The following WDFY4 variants were observed in gnomAD, a reference collection of about 807,000 sequenced individuals.
WDFY4 encodes WD repeat- and FYVE domain-containing protein 4.
Under a neutral mutation model 351.9 loss-of-function variants are expected in WDFY4, and 169 were observed. The ratio of observed to expected loss-of-function variants is 0.48; its 90% CI spans 0.42 to 0.55. The LOEUF (loss-of-function observed/expected upper bound fraction) is 0.55. Ranked by LOEUF, WDFY4 falls within the 20% of genes least tolerant of loss-of-function variation. The pLI is 0.00. For missense variants in WDFY4, 3,803 were observed against 3,935.6 expected, an observed-to-expected ratio of 0.97 and a Z score of 0.90; for synonymous variants, 1,622 against 1,574.6, an observed-to-expected ratio of 1.03 and a Z score of -0.71.
chr10:48,736,234 T>C, intron 11 of WDFY4, 164 bp downstream of exon 11: 1 of 741,896 alleles, frequency 1.3e-6, no homozygotes, highest in Non-Finnish European at 2.3e-6. Context: ...AAATCCCATA[T>C]CCTCAGTAGC....
At chr10:48,889,220 C>T (rs181610348) in intron 43 of WDFY4, among the ~76,000 whole-genome samples, 1 of 152,322 alleles carries the variant, frequency 6.6e-6, no homozygotes, top group African/African-American at 2.4e-5. Context: ...TCGGCTGGTC[C>T]TAGCTTACGA....
chr10:48,821,151 T>G lies in WDFY4; in HGVS notation c.5799T>G (p.Ser1933Arg). 6.4e-7 allele frequency: 1 copy of G among 1,551,446 alleles called. No individual in the cohort carries two copies. Among genetic ancestry groups the G allele is most frequent in the Non-Finnish European group, 8.7e-7 (1 of 1,146,856 alleles). ...LSAMELFHMT[S>R]GGDAAMFRDG... ...CTATGGAACTATTCCACATGACAAG[T>G]GGAGGTGATGCAGCGATGTTCAGAG... The change falls in exon 34 of 62, where the codon AGT becomes AGG. Residue 1933 changes from serine (S) to arginine (R), a missense_variant. By Grantham distance (110) the Ser-to-Arg change is moderately radical. Around this residue, in one of 3 missense-constraint regions of WDFY4, gnomAD observed 3,054 missense variants for 3,148.6 expected, o/e 0.97. Coordinates refer to ENST00000325239, the MANE Select transcript of WDFY4 (RefSeq NM_001394531.1).
intron 47 of WDFY4, chr10:48,909,970 A>G: frequency 2.0e-6 from 1 of 505,038 alleles, no homozygotes; most frequent in South Asian, 2.7e-5. Flanking sequence ...TATAATATAT[A>G]ATCTGTAATT....
chr10:48,818,261 C>T (rs941563553), intron 32 of WDFY4, among the ~76,000 whole-genome samples: 1 of 152,146 alleles, frequency 6.6e-6, no homozygotes, highest in Non-Finnish European at 1.5e-5. Context: ...GTGAGCAATG[C>T]TACATAGGGG....
chr10:48,966,750 C>T, intron 55 of WDFY4, 77 bp downstream of exon 55: 1 of 1,497,902 alleles, frequency 6.7e-7, no homozygotes, highest in Non-Finnish European at 9.0e-7. Context: ...TCTGGAGGTC[C>T]AGCACCACAT....
intron 20 of WDFY4, among the ~76,000 whole-genome samples, chr10:48,787,969 CTTCTTCTTCT>C (rs1298378037): frequency 7.7e-6 from 1 of 129,466 alleles, no homozygotes; most frequent in African/African-American, 3.1e-5. Flanking sequence ...TCTTCTTCTT[CTTCTTCTTCT>C]TCTTCTCCTT....
At chr10:48,814,157 T>G in intron 31 of WDFY4, 75 bp downstream of exon 31, 1 of 1,442,034 alleles carries the variant, frequency 6.9e-7, no homozygotes, top group Non-Finnish European at 9.2e-7. Flanking sequence ...CACCTTGACT[T>G]TTCTCTTAGC....
intron 39 of WDFY4, among the ~76,000 whole-genome samples, chr10:48,855,962 A>C (rs1355324352): frequency 2.0e-5 from 3 of 152,188 alleles, no homozygotes; most frequent in Non-Finnish European, 4.4e-5. Flanking sequence ...CAGTATATAT[A>C]GGGTTCAGTA....
chr10:48,811,619 GC>G lies in WDFY4; in HGVS notation c.5128del (p.His1710ThrfsTer24). 2 of 1,551,932 alleles carry G rather than the reference GC, an allele frequency of 1.3e-6. No homozygotes were observed. Among genetic ancestry groups the G allele is most frequent in the South Asian group, 2.4e-5 (2 of 84,058 alleles). On this transcript the variant is annotated frameshift_variant, in exon 30 of 62. Coordinates refer to ENST00000325239, the MANE Select transcript of WDFY4 (RefSeq NM_001394531.1). LOFTEE classifies it high-confidence loss of function. ...GTTCCGTGTCTTGAATGACTTTCTG[GC>G]CCACCACGTCCACATTCCAGAGGTC... ...PGFRVLNDFL[A>X]HHVHIPEVYL...
chr10:48,717,888 A>G (rs1448437816), intron 2 of WDFY4, among the ~76,000 whole-genome samples: 5 of 152,228 alleles, frequency 3.3e-5, no homozygotes, highest in African/African-American at 1.2e-4. Context: ...TACATGTGCC[A>G]GCATTTCTTT....
chr10:48,738,272 C>G (rs1407136366), intron 11 of WDFY4, among the ~76,000 whole-genome samples: 3 of 152,208 alleles, frequency 2.0e-5, no homozygotes, highest in Admixed American at 6.5e-5. Flanking sequence ...TTTGTTTACT[C>G]TGTAGCCCAG....
intron 21 of WDFY4, among the ~76,000 whole-genome samples, chr10:48,789,246 G>GT: frequency 6.6e-6 from 1 of 152,328 alleles, no homozygotes; most frequent in Non-Finnish European, 1.5e-5. Context: ...AGATATGTTT[G>GT]TAGATGGGGA....
intron 44 of WDFY4, 59 bp downstream of exon 44, chr10:48,890,786 C>A: frequency 6.5e-7 from 1 of 1,543,660 alleles, no homozygotes; most frequent in South Asian, 1.2e-5. Flanking sequence ...CCTTACCAGC[C>A]GCCCCCACTA....
chr10:48,892,641 G>T (rs1367399488), intron 44 of WDFY4, among the ~76,000 whole-genome samples: 1 of 152,166 alleles, frequency 6.6e-6, no homozygotes, highest in Non-Finnish European at 1.5e-5. Flanking sequence ...TTTTGACCAT[G>T]GAGATTAAAG....
chr10:48,982,499 T>C lies in WDFY4; in HGVS notation c.9489-10T>C. The C allele has an allele frequency of 6.7e-7, 1 of 1,500,276 alleles. No homozygotes were observed. The highest frequency in any genetic ancestry group is 2.5e-5 in the East Asian group (1 of 40,284). 92.9% of individuals were successfully genotyped at this position (1,500,276 alleles called of 1,614,324 possible). On this transcript the variant is annotated splice_polypyrimidine_tract_variant and intron_variant, in intron 61 of 61. Coordinates refer to ENST00000325239, the MANE Select transcript of WDFY4 (RefSeq NM_001394531.1). ...CTCTAACGTTCTTGTCTTTTCTTTC[T>C]CTTCCCAAGAAACCACACCAAACTC...
intron 39 of WDFY4, among the ~76,000 whole-genome samples, chr10:48,838,559 T>C (rs566586336): frequency 6.6e-6 from 1 of 152,194 alleles, no homozygotes; most frequent in African/African-American, 2.4e-5. Context: ...TCACCCATTA[T>C]CTTTTTGAAA....
intron 51 of WDFY4, among the ~76,000 whole-genome samples, chr10:48,950,193 T>C (rs1471762387): frequency 6.6e-6 from 1 of 152,094 alleles, no homozygotes. Context: ...CATGAAACAA[T>C]AACTCTCCAA....
At chr10:48,830,677 G>A in intron 37 of WDFY4, 23 bp from the exon 38 acceptor site, 1 of 1,545,342 alleles carries the variant, frequency 6.5e-7, no homozygotes, top group Non-Finnish European at 8.7e-7. Context: ...CATCCTGAGT[G>A]TGCCATGTGC....
chr10:48,803,327 T>C lies in WDFY4; in HGVS notation c.4452T>C (p.Phe1484=), dbSNP rs1256735407. ...NTADNLELSL[F]SHLLEILQSP... ...CAGACAATCTGGAGCTCAGCCTCTTTTCCCATCTTTTGGAAATCCTTCAAT... is the reference window on the plus strand; with the variant it reads ...CAGACAATCTGGAGCTCAGCCTCTTCTCCCATCTTTTGGAAATCCTTCAAT... The change falls in exon 25 of 62, where the codon TTT becomes TTC. Residue 1484 remains phenylalanine, a synonymous_variant. Transcript: ENST00000325239. 87 of 1,551,808 alleles carry C rather than the reference T, an allele frequency of 5.6e-5. No individual in the cohort carries two copies. Among genetic ancestry groups the C allele is most frequent in the Non-Finnish European group, 7.5e-5 (86 of 1,146,992 alleles).
Sources: gnomAD v4.1 joint callset for allele counts (sites outside exome capture counted in the v4.1 genomes callset) on GRCh38, gnomAD v4.1.1 for gene constraint, gnomAD v4.1.1 regional missense constraint, MANE v1.5 for transcripts, NCBI Gene and HGNC (gene_info 2026-07-23, HGNC 2026-07-21) for gene names.